DOCK5: variants seen among roughly 807,000 people sequenced by gnomAD.
DOCK5 encodes the protein dedicator of cytokinesis protein 5.
A neutral mutation model predicts 251.8 loss-of-function variants in DOCK5; 142 were observed. The ratio of observed to expected loss-of-function variants is 0.56; its 90% CI spans 0.49 to 0.65. The LOEUF is 0.65. DOCK5 is among the 30% of genes least tolerant of loss of function. The pLI, the probability that DOCK5 is intolerant of heterozygous loss-of-function variation, is 0.00. For missense variants in DOCK5, 2,111 were observed against 2,312.3 expected (o/e 0.91, Z 1.79); for synonymous variants, 842 against 835.5 (o/e 1.01, Z -0.13).
intron 1 of DOCK5, among the ~76,000 whole-genome samples, chr8:25,196,215 G>A (rs1801722157): frequency 6.6e-6 from 1 of 152,194 alleles, no homozygotes; most frequent in African/African-American, 2.4e-5. Flanking sequence ...AGGCTTTATG[G>A]AGGAAGGGGC....
At chr8:25,259,965 C>T (rs1385974251) in intron 2 of DOCK5, among the ~76,000 whole-genome samples, 1 of 152,182 alleles carries the variant, frequency 6.6e-6, no homozygotes, top group Non-Finnish European at 1.5e-5. Context: ...TCAAAAGCCC[C>T]AGTGAGTTCC....
intron 5 of DOCK5, among the ~76,000 whole-genome samples, chr8:25,283,012 A>T (rs1352057788): frequency 6.6e-6 from 1 of 152,166 alleles, no homozygotes; most frequent in African/African-American, 2.4e-5. Context: ...GCAGTCCACT[A>T]ACCAGATTAA....
At chr8:25,190,390 A>G (rs2117438888) in intron 1 of DOCK5, among the ~76,000 whole-genome samples, 1 of 152,194 alleles carries the variant, frequency 6.6e-6, no homozygotes, top group East Asian at 1.9e-4. Context: ...AGGTCTAATA[A>G]CTAGCATAAT....
chr8:25,196,545 T>G (rs1452684887), intron 1 of DOCK5, among the ~76,000 whole-genome samples: 1 of 152,256 alleles, frequency 6.6e-6, no homozygotes, highest in Non-Finnish European at 1.5e-5. Flanking sequence ...CCATGGTTAC[T>G]CAAACATTAG....
intron 1 of DOCK5, among the ~76,000 whole-genome samples, chr8:25,187,927 AAACCTCCTTGCTTCTTCC>A (rs1371087614): frequency 6.6e-6 from 1 of 152,046 alleles, no homozygotes; most frequent in African/African-American, 2.4e-5. Context: ...AGACTGTCCC[AAACCTCCTTGCTTCTTCC>A]TCGCAGTTCC....
intron 2 of DOCK5, among the ~76,000 whole-genome samples, chr8:25,267,076 T>C (rs1168638732): frequency 6.6e-6 from 1 of 152,132 alleles, no homozygotes; most frequent in Non-Finnish European, 1.5e-5. Context: ...CCAGGGTGAA[T>C]TCGAAGCCAT....
chr8:25,348,359 T>G lies in DOCK5; in HGVS notation c.2754+2748T>G, dbSNP rs1475384373. Among the ~76,000 whole-genome samples the G allele has an allele frequency of 2.0e-5, 3 of 152,178 alleles. No homozygotes were observed. The East Asian group carries it at 5.8e-4, about 29-fold the overall frequency. On this transcript the variant is annotated intron_variant, in intron 26 of 51. Coordinates refer to ENST00000276440, the MANE Select transcript of DOCK5 (RefSeq NM_024940.8). ...CTACTCATTCTTTTCATGCTCCCTT[T>G]GAGTTTCTTTTGAGGATTTTATCAC...
At chr8:25,309,745 C>T (rs914836090) in intron 12 of DOCK5, among the ~76,000 whole-genome samples, 1 of 151,904 alleles carries the variant, frequency 6.6e-6, no homozygotes, top group Non-Finnish European at 1.5e-5. Context: ...TGCTTGAACT[C>T]GGGAGGCAAA....
At position 25,408,912 on chromosome 8, in the gene DOCK5, A is replaced by C; in HGVS notation, c.5376A>C (p.Pro1792=). Residue 1792 remains proline, a synonymous_variant, in exon 50 of 52, where the codon CCA becomes CCC. Coordinates refer to ENST00000276440, the MANE Select transcript of DOCK5 (RefSeq NM_024940.8). ...AGTCAACACCCTTGAGCCCACCTCC[A>C]CTCACTCCCAAAGCCACCAGGACCC... ...PPQSTPLSPP[P]LTPKATRTLS... is the part of the protein sequence containing the mutation. 1 of 1,613,670 alleles carries C rather than the reference A, an allele frequency of 6.2e-7. No individual in the cohort carries two copies.
intron 2 of DOCK5, among the ~76,000 whole-genome samples, chr8:25,261,629 C>T (rs771573836): frequency 5.9e-5 from 9 of 152,102 alleles, no homozygotes; most frequent in Non-Finnish European, 1.2e-4. Context: ...AATTTACAAG[C>T]AACAAAAGGC....
At chr8:25,276,563 C>T (rs1016959599) in intron 4 of DOCK5, among the ~76,000 whole-genome samples, 2 of 151,960 alleles carry the variant, frequency 1.3e-5, no homozygotes, top group African/African-American at 2.4e-5. Flanking sequence ...AGAGTGGGGC[C>T]GAGGAGAGAG....
chr8:25,359,067 T>C lies in DOCK5; in HGVS notation c.2949+6T>C, dbSNP rs1413637260. ...AAACCAGACAAGACATCATCGTAAG[T>C]TGCCTTTACTGGTCCTGGTAACCTG... On this transcript the variant is annotated splice_donor_region_variant and intron_variant, in intron 28 of 51. Coordinates refer to ENST00000276440, the MANE Select transcript of DOCK5 (RefSeq NM_024940.8). 6.2e-7 allele frequency: 1 copy of C among 1,611,932 alleles called. No homozygotes were observed. The highest frequency in any genetic ancestry group is 8.5e-7 in the Non-Finnish European group (1 of 1,178,120).
intron 2 of DOCK5, among the ~76,000 whole-genome samples, chr8:25,258,396 T>C (rs1269591968): frequency 6.6e-6 from 1 of 152,138 alleles, no homozygotes; most frequent in Non-Finnish European, 1.5e-5. Flanking sequence ...TGGAATGAAA[T>C]TTAAGAGATT....
chr8:25,219,588 G>A (rs920880067), intron 1 of DOCK5, among the ~76,000 whole-genome samples: 2 of 152,134 alleles, frequency 1.3e-5, no homozygotes, highest in East Asian at 3.8e-4. Context: ...GAGCCTAAAT[G>A]TCTGAAAATA....
At chr8:25,281,279 T>C (rs1316851007) in intron 5 of DOCK5, among the ~76,000 whole-genome samples, 2 of 151,452 alleles carry the variant, frequency 1.3e-5, no homozygotes, top group Non-Finnish European at 2.9e-5. Flanking sequence ...AATACAAAAA[T>C]TAGCTGGGTG....
intron 1 of DOCK5, among the ~76,000 whole-genome samples, chr8:25,216,219 GTATATA>G (rs1586234831): frequency 8.1e-6 from 1 of 123,574 alleles, no homozygotes; most frequent in Non-Finnish European, 1.6e-5. Context: ...CATACAATAT[GTATATA>G]TGTATACAAT....
Position 25,299,027 on chromosome 8 carries a change from C to G in DOCK5, c.690C>G (p.Asn230Lys), listed in dbSNP as rs1447905346. Residue 230 changes from asparagine to lysine, a missense_variant, in exon 8 of 52, where the codon AAC becomes AAG. By Grantham distance (94) the Asn-to-Lys change is moderately conservative. Transcript: ENST00000276440. ...ATGGCCTCTATGTGAACTTCAAGAA[C>G]TTTGTCTGCAACATCGGGGAAGATG... ...HTYGLYVNFK[N>K]FVCNIGEDAE... is the part of the protein sequence containing the mutation. 6.2e-7 allele frequency: 1 copy of G among 1,613,822 alleles called. No individual in the cohort carries two copies. Among genetic ancestry groups the G allele is most frequent in the African/African-American group, 1.3e-5 (1 of 74,898 alleles).
intron 1 of DOCK5, among the ~76,000 whole-genome samples, chr8:25,219,791 A>G (rs991948193): frequency 2.0e-5 from 3 of 150,948 alleles, no homozygotes; most frequent in Non-Finnish European, 4.4e-5. Flanking sequence ...GGAAGGTTCT[A>G]AAATCTTCTC....
intron 5 of DOCK5, among the ~76,000 whole-genome samples, chr8:25,285,847 C>T (rs1385448165): frequency 1.3e-5 from 2 of 152,146 alleles, no homozygotes; most frequent in African/African-American, 4.8e-5. Flanking sequence ...GTTGCAAGCC[C>T]TGCTTCAGTG....
Sources: gnomAD v4.1 joint callset for allele counts (sites outside exome capture counted in the v4.1 genomes callset) on GRCh38, gnomAD v4.1.1 for gene constraint, MANE v1.5 for transcripts, NCBI Gene and HGNC (gene_info 2026-07-23, HGNC 2026-07-21) for gene names.